KIAA1549L: variants seen among roughly 807,000 people sequenced by gnomAD.
The protein encoded by KIAA1549L is UPF0606 protein KIAA1549L.
KIAA1549L carries 88 observed loss-of-function variants against 160.7 expected under a neutral mutation model. That is an observed-to-expected ratio of 0.55 (90% CI 0.46 to 0.65). The LOEUF is 0.65. Among genes scored for constraint, KIAA1549L ranks in the 30% least tolerant of loss-of-function variants. The pLI is 0.00. For synonymous variants in KIAA1549L, 950 were observed against 976.7 expected (o/e 0.97, Z 0.51); for missense variants, 2,258 against 2,437.5 (o/e 0.93, Z 1.55).
At chr11:33,439,732 A>G (rs1414221922) in intron 1 of KIAA1549L, among the ~76,000 whole-genome samples, 1 of 152,072 alleles carries the variant, frequency 6.6e-6, no homozygotes, top group Non-Finnish European at 1.5e-5. Context: ...TGCATCGGGT[A>G]CATTTTGAGT....
intron 6 of KIAA1549L, among the ~76,000 whole-genome samples, chr11:33,556,577 C>T (rs534177412): frequency 2.0e-4 from 30 of 152,262 alleles, no homozygotes; most frequent in Admixed American, 9.2e-4. Flanking sequence ...GGACGTTTTG[C>T]TAAGTGAAAT....
chr11:33,513,310 C>T (rs556326273), intron 1 of KIAA1549L, among the ~76,000 whole-genome samples: 7 of 152,022 alleles, frequency 4.6e-5, no homozygotes, highest in Admixed American at 1.3e-4. Context: ...GTAGAGGTGG[C>T]GATGGTTTTT....
Position 33,596,255 on chromosome 11 carries a change from A to C in KIAA1549L, c.4752-2565A>C, listed in dbSNP as rs182501626. Among the ~76,000 whole-genome samples, 9 of 152,120 alleles carry C rather than the reference A, an allele frequency of 5.9e-5. No individual in the cohort carries two copies. In the East Asian group the frequency reaches 1.7e-3, roughly 29 times the overall value. The stretch of plus-strand genomic sequence containing the variant: ...GCACAAACACACGGGCACAAATCTC[A>C]CTCTATTTTTGAACGGAAGTTTTGA... On this transcript the variant is annotated intron_variant, in intron 12 of 20. Transcript: ENST00000658780.
chr11:33,444,966 C>G (rs545367541), intron 1 of KIAA1549L, among the ~76,000 whole-genome samples: 1 of 152,208 alleles, frequency 6.6e-6, no homozygotes, highest in Non-Finnish European at 1.5e-5. Context: ...CACACACTAC[C>G]TGGCACAGAG....
intron 16 of KIAA1549L, among the ~76,000 whole-genome samples, chr11:33,640,642 C>T (rs772128105): frequency 2.0e-5 from 3 of 152,198 alleles, no homozygotes; most frequent in Non-Finnish European, 4.4e-5. Context: ...TAGAAAACAT[C>T]TGGAAGGATG....
At position 33,618,539 on chromosome 11, in the gene KIAA1549L, G is replaced by C. The variant is rs544406364; in HGVS notation, c.5286G>C (p.Gln1762His). ...GTTGTTGAATTTTCTTCAGGCAACA[G>C]ATGAAGAACTCTGTCTACAGAAGCC... ...APFTESKNRQ[Q>H]MKNSVYRSRQ... is the part of the protein sequence containing the mutation. The change falls in exon 16 of 21, where the codon CAG becomes CAC. Residue 1762 changes from glutamine (Q) to histidine (H), a missense_variant. Coordinates refer to ENST00000658780, the MANE Select transcript of KIAA1549L (RefSeq NM_012194.3). 3.1e-4 allele frequency: 490 copies of C among 1,605,302 alleles called. 7 individuals are homozygous for C. The South Asian group carries it at 5.1e-3, about 17-fold the overall frequency.
rs148835910 is a variant in KIAA1549L, at chr11:33,425,853, C to T, written c.238+48964C>T. 5.9e-5 allele frequency among the ~76,000 whole-genome samples: 9 copies of T among 152,312 alleles called. No homozygotes were observed. The East Asian group carries it at 1.7e-3, about 29-fold the overall frequency. Reference sequence around the variant, plus strand: ...GCACAGAGCAAAAGGCAAAACATCACTTCTTTGGGATTTTTACTGAAAATG... The same window carrying T: ...GCACAGAGCAAAAGGCAAAACATCATTTCTTTGGGATTTTTACTGAAAATG... On this transcript the variant is annotated intron_variant, in intron 1 of 20. Transcript: ENST00000658780.
chr11:33,529,848 TA>T (rs1455913592), intron 1 of KIAA1549L, among the ~76,000 whole-genome samples: 1 of 152,140 alleles, frequency 6.6e-6, no homozygotes, highest in African/African-American at 2.4e-5. Context: ...GAGCTAGAAA[TA>T]AGGAGTTGTG....
intron 1 of KIAA1549L, among the ~76,000 whole-genome samples, chr11:33,464,359 C>G (rs957122575): frequency 4.3e-4 from 65 of 152,166 alleles, no homozygotes; most frequent in African/African-American, 1.5e-3. Context: ...TACACTGAGC[C>G]CCTAAGATAG....
At chr11:33,577,175 G>A (rs990012590) in intron 10 of KIAA1549L, among the ~76,000 whole-genome samples, 3 of 152,136 alleles carry the variant, frequency 2.0e-5, no homozygotes, top group African/African-American at 4.8e-5. Flanking sequence ...TTCCCAAGAG[G>A]CAGGGCATGA....
intron 1 of KIAA1549L, among the ~76,000 whole-genome samples, chr11:33,429,276 T>C (rs562813322): frequency 2.9e-4 from 44 of 152,300 alleles, no homozygotes; most frequent in African/African-American, 1.0e-3. Flanking sequence ...CCAGCCCTCA[T>C]TGTGGTTTTG....
chr11:33,455,030 A>G lies in KIAA1549L; in HGVS notation c.238+78141A>G, dbSNP rs1182529209. Among the ~76,000 whole-genome samples the G allele has an allele frequency of 2.0e-5, 3 of 152,360 alleles. No homozygotes were observed. In the East Asian group the frequency reaches 5.8e-4, roughly 29 times the overall value. On this transcript the variant is annotated intron_variant, in intron 1 of 20. Coordinates refer to ENST00000658780, the MANE Select transcript of KIAA1549L (RefSeq NM_012194.3). Reference sequence around the variant, plus strand: ...CGTGAACCCAGGAGGCAGAGTTTGCAGTGAGCCGAGATTGCGCCACTGCAC... The same window carrying G: ...CGTGAACCCAGGAGGCAGAGTTTGCGGTGAGCCGAGATTGCGCCACTGCAC...
At chr11:33,538,916 A>G (rs1046806618) in intron 1 of KIAA1549L, among the ~76,000 whole-genome samples, 5 of 152,230 alleles carry the variant, frequency 3.3e-5, no homozygotes, top group Admixed American at 2.0e-4. Flanking sequence ...TACAGATAGC[A>G]TAGGCTATTC....
At chr11:33,516,632 G>A (rs1853349833) in intron 1 of KIAA1549L, among the ~76,000 whole-genome samples, 1 of 152,164 alleles carries the variant, frequency 6.6e-6, no homozygotes, top group Admixed American at 6.5e-5. Context: ...AAGTTATGAG[G>A]GAAAAAATAA....
At chr11:33,604,572 C>A (rs1850448200) in intron 13 of KIAA1549L, among the ~76,000 whole-genome samples, 1 of 152,064 alleles carries the variant, frequency 6.6e-6, no homozygotes, top group Non-Finnish European at 1.5e-5. Flanking sequence ...GCCCATCGAC[C>A]AATAAAGAAA....
intron 1 of KIAA1549L, among the ~76,000 whole-genome samples, chr11:33,440,649 A>G (rs1028252993): frequency 3.3e-5 from 5 of 152,222 alleles, no homozygotes; most frequent in Non-Finnish European, 7.3e-5. Context: ...AAAATTCACT[A>G]ATCAGTCATT....
intron 9 of KIAA1549L, among the ~76,000 whole-genome samples, chr11:33,570,426 A>T (rs1855212861): frequency 7.3e-6 from 1 of 137,582 alleles, no homozygotes; most frequent in African/African-American, 2.7e-5. Context: ...ATCACCTTGT[A>T]ACATACCCTT....
intron 1 of KIAA1549L, among the ~76,000 whole-genome samples, chr11:33,517,769 ACT>A (rs997079046): frequency 2.6e-5 from 4 of 152,144 alleles, no homozygotes; most frequent in African/African-American, 9.7e-5. Flanking sequence ...ACTGTGGGAA[ACT>A]CTGCAGGTAA....
At chr11:33,486,830 G>A (rs540078888) in intron 1 of KIAA1549L, among the ~76,000 whole-genome samples, 1 of 152,252 alleles carries the variant, frequency 6.6e-6, no homozygotes, top group East Asian at 1.9e-4. Flanking sequence ...TGTCATAGAA[G>A]CCCCACTGCT....
Sources: allele counts gnomAD v4.1 joint callset (sites outside exome capture counted in the v4.1 genomes callset), GRCh38; gene constraint gnomAD v4.1.1; transcripts MANE v1.5; gene names NCBI Gene and HGNC (gene_info 2026-07-23, HGNC 2026-07-21).